The following ZC3H7B variants were observed in gnomAD, a reference collection of about 807,000 sequenced individuals.
The protein encoded by ZC3H7B is zinc finger CCCH domain-containing protein 7B.
A neutral mutation model predicts 116.0 loss-of-function variants in ZC3H7B; 35 were observed. The ratio of observed to expected loss-of-function variants is 0.30; its 90% confidence interval spans 0.23 to 0.40. ZC3H7B has a LOEUF of 0.40. Among genes scored for constraint, ZC3H7B ranks in the 10% least tolerant of loss-of-function variants. The pLI, the probability that ZC3H7B is intolerant of heterozygous loss-of-function variation, is 1.00. For missense variants in ZC3H7B, 1,011 were observed against 1,321.5 expected (o/e 0.77, Z 3.64); for synonymous variants, 502 against 545.6 (o/e 0.92, Z 1.11).
chr22:41,337,846 G>A (rs1000464987), intron 7 of ZC3H7B, among the ~76,000 whole-genome samples: 2 of 151,468 alleles, frequency 1.3e-5, no homozygotes, highest in African/African-American at 2.4e-5. Context: ...CCACAGGGGT[G>A]AGGACCCAGC....
chr22:41,356,158 C>A, intron 20 of ZC3H7B, 96 bp downstream of exon 20: 1 of 1,430,896 alleles, frequency 7.0e-7, no homozygotes, highest in Non-Finnish European at 9.4e-7. Context: ...TCCACTGCAC[C>A]CCTTTGCTAC....
rs755895338 is a variant in ZC3H7B at position 41,349,355 on chromosome 22, GGCGCAGGTGAAGGGA to G, written c.1948+62_1948+76del. On this transcript the variant is annotated intron_variant, in intron 16 of 22. Transcript: ENST00000352645. This position sits in a 1 kb window ranked among gnomAD's most constrained non-coding sequence, Gnocchi z 4.9. ...CAGGTGACTCAGGTGAGGGGTAGGC[GGCGCAGGTGAAGGGA>G]GCGCAGGACTGACTGGGGTGACAGG... 3.3e-5 allele frequency: 53 copies of G among 1,596,386 alleles called. No homozygotes were observed. The highest frequency in any genetic ancestry group is 4.4e-5 in the Non-Finnish European group (52 of 1,170,916).
intron 1 of ZC3H7B, among the ~76,000 whole-genome samples, chr22:41,315,177 C>T (rs1263059804): frequency 6.6e-6 from 1 of 151,476 alleles, no homozygotes; most frequent in South Asian, 2.1e-4. Context: ...TGGTGAGCCC[C>T]GATGTCACAA....
At chr22:41,308,144 C>G (rs1363240466) in intron 1 of ZC3H7B, among the ~76,000 whole-genome samples, 2 of 152,088 alleles carry the variant, frequency 1.3e-5, no homozygotes, top group African/African-American at 4.8e-5. Flanking sequence ...AGACCGAGAA[C>G]CATGTCTTCT....
rs910115982 is a variant in ZC3H7B, at chr22:41,355,845, T to C, written c.2257T>C (p.Phe753Leu). 2 of 1,613,680 alleles carry C rather than the reference T, an allele frequency of 1.2e-6. No individual in the cohort carries two copies. The highest frequency in any genetic ancestry group is 2.7e-5 in the African/African-American group (2 of 75,016). ...GAGGCCACTGCCATCCATTCGTAAC[T>C]TCCCACAGCAATACGATGTGAGCGC... ...SVRPLPSIRNFPQQYDLCIHA... is the reference protein window; with the variant it reads ...SVRPLPSIRNLPQQYDLCIHA... Residue 753 changes from phenylalanine to leucine, a missense_variant, in exon 19 of 23, where the codon TTC (phenylalanine) becomes CTC (leucine). By Grantham distance (22) the Phe-to-Leu change is conservative. Transcript: ENST00000352645.
At chr22:41,322,475 C>T (rs1445143604) in intron 2 of ZC3H7B, among the ~76,000 whole-genome samples, 6 of 152,156 alleles carry the variant, frequency 3.9e-5, no homozygotes, top group East Asian at 1.9e-4. Context: ...TGTGAGCCAC[C>T]GCATCCAGCC....
Position 41,346,108 on chromosome 22 carries a change from G to A in ZC3H7B, c.1565G>A (p.Arg522His). Residue 522 changes from arginine to histidine, a missense_variant, in exon 14 of 23, where the codon CGC (arginine) becomes CAC (histidine). Around this residue, in one of 5 missense-constraint regions of ZC3H7B, gnomAD observed 179 missense variants for 178.5 expected, o/e 1.00. Transcript: ENST00000352645. The surrounding 1 kb of genome is among the most constrained non-coding windows in gnomAD (Gnocchi z 5.3). ...GAGGAGCGGAAGGGCACCCTCAACC[G>A]CGACCTGCTCTTCGACCCGCTGGGG... The part of the protein sequence containing the change: ...WTEERKGTLN[R>H]DLLFDPLGGV... 2 of 1,613,744 alleles carry A rather than the reference G, an allele frequency of 1.2e-6. No individual in the cohort carries two copies. Among genetic ancestry groups the A allele is most frequent in the Non-Finnish European group, 1.7e-6 (2 of 1,180,012 alleles).
At chr22:41,319,891 C>T (rs1224648975) in intron 1 of ZC3H7B, among the ~76,000 whole-genome samples, 7 of 151,810 alleles carry the variant, frequency 4.6e-5, no homozygotes, top group Admixed American at 2.6e-4. Flanking sequence ...TATCTGGGTG[C>T]GTGGTAGTGC....
intron 1 of ZC3H7B, among the ~76,000 whole-genome samples, chr22:41,313,426 C>T (rs1601763895): frequency 6.6e-6 from 1 of 152,118 alleles, no homozygotes; most frequent in East Asian, 1.9e-4. Flanking sequence ...GTCACATGCC[C>T]TTACCAAAGC....
At chr22:41,353,520 C>A (rs1374198022) in intron 17 of ZC3H7B, among the ~76,000 whole-genome samples, 4 of 152,220 alleles carry the variant, frequency 2.6e-5, no homozygotes, top group Non-Finnish European at 5.9e-5. Context: ...GGAGGACCCT[C>A]GGGCTCAGAG....
chr22:41,353,335 C>T (rs1398180105), intron 17 of ZC3H7B, among the ~76,000 whole-genome samples: 2 of 152,222 alleles, frequency 1.3e-5, no homozygotes. Context: ...CTGTCCGGGG[C>T]TCGCTCTTCT....
At chr22:41,307,115 A>AGGCAC (rs2036053790) in intron 1 of ZC3H7B, among the ~76,000 whole-genome samples, 1 of 151,766 alleles carries the variant, frequency 6.6e-6, no homozygotes, top group African/African-American at 2.4e-5. Context: ...CTGGGATTAC[A>AGGCAC]GGCACGCACC....
In ZC3H7B at chr22:41,341,111, C is replaced by T. The variant is rs376029308; in HGVS notation, c.1162C>T (p.Arg388Cys). 5.9e-5 allele frequency: 95 copies of T among 1,613,968 alleles called. 2 individuals are homozygous for T. Among genetic ancestry groups the T allele is most frequent in the South Asian group, 4.4e-4 (40 of 91,068 alleles). The change falls in exon 11 of 23, where the codon CGT (arginine) becomes TGT (cysteine). Residue 388 changes from arginine to cysteine, a missense_variant. Coordinates refer to ENST00000352645, the MANE Select transcript of ZC3H7B (RefSeq NM_017590.6). ...AGAGGAGACCAACTCACAGGACCAC[C>T]GTCCCCCTAGCGGTGCTCAGAAACC... ...FMEETNSQDH[R>C]PPSGAQKPAP... is the part of the protein sequence containing the mutation.
chr22:41,357,710 C>G lies in ZC3H7B; in HGVS notation c.*281C>G. ...GGAGGGAGGGGCCTGGCTGACCCCT[C>G]CAGCTTCAGCCTCCAGCTTTAACTT... is the stretch of plus-strand genomic sequence containing the variant. On this transcript the variant is annotated 3_prime_UTR_variant, in exon 23 of 23. Coordinates refer to ENST00000352645, the MANE Select transcript of ZC3H7B (RefSeq NM_017590.6). This position sits in a 1 kb window ranked among gnomAD's most constrained non-coding sequence, Gnocchi z 5.4. 1 of 499,594 alleles carries G rather than the reference C, an allele frequency of 2.0e-6. No homozygotes were observed. The allele number at this position is 499,594 out of a possible 1,614,324, so 30.9% of individuals were successfully genotyped here. A position where few individuals can be genotyped will look rare whatever the true frequency, so the allele number is the denominator to read the frequency against.
chr22:41,328,625 G>A (rs529758460), intron 5 of ZC3H7B, among the ~76,000 whole-genome samples: 4 of 152,256 alleles, frequency 2.6e-5, no homozygotes, highest in Admixed American at 2.0e-4. Context: ...TGCCCTGTTC[G>A]CTGGGGTATC....
chr22:41,314,835 C>G (rs556060169), intron 1 of ZC3H7B, among the ~76,000 whole-genome samples: 16 of 149,422 alleles, frequency 1.1e-4, no homozygotes, highest in African/African-American at 3.7e-4. Flanking sequence ...GTCTCAAACT[C>G]CTGACCTCGT....
rs746238483 is a variant in ZC3H7B, at chr22:41,351,524, C to G, written c.1949-37C>G. On this transcript the variant is annotated intron_variant, in intron 16 of 22. Transcript: ENST00000352645. This position sits in a 1 kb window ranked among gnomAD's most constrained non-coding sequence, Gnocchi z 5.1. ...CCCTGCCTCCCTCCTTGCTGAGCACCTTGAAAGATGCCTGTGTCTGCCCCC... is the reference window on the plus strand; with the variant it reads ...CCCTGCCTCCCTCCTTGCTGAGCACGTTGAAAGATGCCTGTGTCTGCCCCC... 3.1e-6 allele frequency: 5 copies of G among 1,595,560 alleles called. No individual in the cohort carries two copies. Among genetic ancestry groups the G allele is most frequent in the Non-Finnish European group, 2.6e-6 (3 of 1,170,544 alleles).
chr22:41,330,286 G>A (rs1219209576), intron 6 of ZC3H7B, among the ~76,000 whole-genome samples, 183 bp downstream of exon 6: 1 of 152,220 alleles, frequency 6.6e-6, no homozygotes, highest in Non-Finnish European at 1.5e-5. Flanking sequence ...GAAAAGGAGA[G>A]AGCAGCCACC....
chr22:41,309,705 C>T (rs1046593513), intron 1 of ZC3H7B, among the ~76,000 whole-genome samples: 6 of 152,232 alleles, frequency 3.9e-5, no homozygotes, highest in East Asian at 1.9e-4. Flanking sequence ...GTGCATTTCA[C>T]GCTGGTTTAT....
Sources: gnomAD v4.1 joint callset for allele counts (sites outside exome capture counted in the v4.1 genomes callset) on GRCh38, gnomAD v4.1.1 for gene constraint, gnomAD v4.1.1 regional missense constraint, Gnocchi (gnomAD v3.1) non-coding constraint, MANE v1.5 for transcripts, NCBI Gene and HGNC (gene_info 2026-07-23, HGNC 2026-07-21) for gene names.